RNF38: variants seen among roughly 807,000 people sequenced by gnomAD.
RNF38 encodes the protein ring finger protein 38.
Under a neutral mutation model 67.2 loss-of-function variants are expected in RNF38, and 15 were observed. The ratio of observed to expected loss-of-function variants is 0.22; its 90% CI spans 0.15 to 0.34. The LOEUF is 0.34. Ranked by LOEUF, RNF38 falls within the 10% of genes least tolerant of loss-of-function variation. RNF38 has a pLI of 1.00. For missense variants in RNF38, 524 were observed against 639.9 expected (o/e 0.82, Z 1.95); for synonymous variants, 220 against 218.8 (o/e 1.01, Z -0.05).
chr9:36,376,218 TA>T, intron 2 of RNF38, 91 bp from the exon 3 acceptor site: 1 of 957,248 alleles, frequency 1.0e-6, no homozygotes, highest in South Asian at 2.1e-5. Context: ...GTACTTAACC[TA>T]AAATCTAAAA....
At chr9:36,349,051 A>T (rs540914253) in intron 9 of RNF38, among the ~76,000 whole-genome samples, 23 of 151,772 alleles carry the variant, frequency 1.5e-4, no homozygotes, top group Admixed American at 1.4e-3. Context: ...AATTATGCTA[A>T]ATCTACACTG....
In RNF38 at chr9:36,376,139, A is replaced by G; in HGVS notation, c.163-12T>C. 6.5e-7 allele frequency: 1 copy of G among 1,544,468 alleles called. No individual in the cohort carries two copies. The highest frequency in any genetic ancestry group is 8.7e-7 in the Non-Finnish European group (1 of 1,150,148). ...GGACTATCTTCACTCTGCCAATGCA[A>G]CAAAATGGATCAACTGAGTAAGATC... On this transcript the variant is annotated splice_polypyrimidine_tract_variant and intron_variant, in intron 2 of 11. Coordinates refer to ENST00000259605, the MANE Select transcript of RNF38 (RefSeq NM_022781.5).
intron 1 of RNF38, among the ~76,000 whole-genome samples, chr9:36,432,160 A>T (rs935125445): frequency 4.6e-5 from 7 of 151,166 alleles, no homozygotes; most frequent in African/African-American, 7.3e-5. Flanking sequence ...TTTGAGACAG[A>T]GTCTCACTCT....
chr9:36,449,771 T>C lies in RNF38; in HGVS notation n.242-25088A>G, dbSNP rs1417197995. On this transcript the variant is annotated intron_variant and non_coding_transcript_variant, in intron 1 of 3. Coordinates refer to the RNF38 transcript ENST00000488058. ...TCGTAAACAACAAACACAAAAACAT[T>C]TGCAGGTCCTACAATTAAGCAGAAG... 3.3e-5 allele frequency among the ~76,000 whole-genome samples: 5 copies of C among 152,092 alleles called. No homozygotes were observed. In the South Asian group the frequency reaches 6.2e-4, roughly 19 times the overall value.
At position 36,446,258 on chromosome 9, in the gene RNF38, G is replaced by C. The variant is rs1234846046; in HGVS notation, n.242-21575C>G. 2.6e-5 allele frequency among the ~76,000 whole-genome samples: 4 copies of C among 152,122 alleles called. No individual in the cohort carries two copies. The East Asian group carries it at 7.7e-4, about 29-fold the overall frequency. Reference sequence around the variant, plus strand: ...TTACACTGATTTGTATCACAAAAAGGGTTAGTTTCTGTTCCTGGAGTTTGA... The same window carrying C: ...TTACACTGATTTGTATCACAAAAAGCGTTAGTTTCTGTTCCTGGAGTTTGA... On this transcript the variant is annotated intron_variant and non_coding_transcript_variant, in intron 1 of 3. Transcript: ENST00000488058.
At chr9:36,481,273 C>T (rs1488802913) in intron 1 of RNF38, among the ~76,000 whole-genome samples, 1 of 152,132 alleles carries the variant, frequency 6.6e-6, no homozygotes, top group African/African-American at 2.4e-5. Flanking sequence ...CCTCGACCTC[C>T]CAAAGTGCTG....
chr9:36,413,213 G>A (rs1266443527), intron 2 of RNF38, among the ~76,000 whole-genome samples: 4 of 150,298 alleles, frequency 2.7e-5, no homozygotes, highest in Non-Finnish European at 5.9e-5. Flanking sequence ...CTGGGCAACA[G>A]AGCAAGACTC....
intron 1 of RNF38, chr9:36,487,175 G>T (rs577206300): frequency 3.5e-6 from 2 of 564,138 alleles, no homozygotes; most frequent in Non-Finnish European, 4.5e-6. Context: ...GGGGCTCCGG[G>T]GCCGGACAAA....
At chr9:36,342,292 A>T (rs751610536) in intron 11 of RNF38, 33 bp downstream of exon 11, 2 of 1,430,488 alleles carry the variant, frequency 1.4e-6, no homozygotes. Context: ...AGAAAATTCA[A>T]TGTCATTTCC....
At chr9:36,395,305 A>C (rs1019578823) in intron 1 of RNF38, among the ~76,000 whole-genome samples, 1 of 152,038 alleles carries the variant, frequency 6.6e-6, no homozygotes, top group Non-Finnish European at 1.5e-5. Flanking sequence ...TTCTGACAAC[A>C]GCATCCTTCT....
intron 5 of RNF38, among the ~76,000 whole-genome samples, chr9:36,357,128 G>A (rs546404104): frequency 5.4e-4 from 82 of 151,988 alleles, no homozygotes; most frequent in Non-Finnish European, 1.1e-3. Flanking sequence ...TAAATACAGC[G>A]CCCTCATTTC....
chr9:36,390,403 T>C, intron 2 of RNF38, 64 bp downstream of exon 2: 1 of 1,398,726 alleles, frequency 7.1e-7, no homozygotes, highest in Admixed American at 2.4e-5. Flanking sequence ...TTTCAAGCCT[T>C]CCTAGAAACA....
Position 36,358,042 on chromosome 9 carries a change from A to C in RNF38, c.571-100T>G, listed in dbSNP as rs1276995490. 4 of 916,882 alleles carry C rather than the reference A, an allele frequency of 4.4e-6. No homozygotes were observed. The African/African-American group carries it at 4.9e-5, about 11-fold the overall frequency. 56.8% of individuals were successfully genotyped at this position (916,882 alleles called of 1,614,324 possible). Reference sequence around the variant, plus strand: ...TCATTTATTGGCTCCTCTCTCAGCTACACGGATTTTCACAATGTACTCTCC... The same window carrying C: ...TCATTTATTGGCTCCTCTCTCAGCTCCACGGATTTTCACAATGTACTCTCC... On this transcript the variant is annotated intron_variant, in intron 4 of 11. Coordinates refer to ENST00000259605, the MANE Select transcript of RNF38 (RefSeq NM_022781.5).
At chr9:36,398,410 C>CT (rs1379132638) in intron 1 of RNF38, among the ~76,000 whole-genome samples, 3 of 152,024 alleles carry the variant, frequency 2.0e-5, no homozygotes, top group Non-Finnish European at 4.4e-5. Flanking sequence ...TCTGGAAAAA[C>CT]TAAAATTAAA....
intron 6 of RNF38, among the ~76,000 whole-genome samples, chr9:36,354,262 G>C (rs180701602): frequency 3.9e-5 from 6 of 152,044 alleles, no homozygotes; most frequent in Admixed American, 1.3e-4. Flanking sequence ...GCGCCATCTT[G>C]GCTCACTGCA....
chr9:36,481,150 G>C (rs576059114), intron 1 of RNF38, among the ~76,000 whole-genome samples: 40 of 151,646 alleles, frequency 2.6e-4, no homozygotes, highest in Admixed American at 6.6e-4. Flanking sequence ...AAGTAGCTGA[G>C]ATTACACGTG....
chr9:36,454,463 T>C (rs1173282359), intron 1 of RNF38, among the ~76,000 whole-genome samples: 1 of 151,876 alleles, frequency 6.6e-6, no homozygotes, highest in Non-Finnish European at 1.5e-5. Flanking sequence ...GAAAACAAAA[T>C]ATCATACCTA....
intron 1 of RNF38, among the ~76,000 whole-genome samples, chr9:36,479,299 G>C (rs1321963349): frequency 6.6e-6 from 1 of 152,248 alleles, no homozygotes; most frequent in Non-Finnish European, 1.5e-5. Flanking sequence ...ATGGTGGAGG[G>C]AGGGTGCCCT....
intron 3 of RNF38, among the ~76,000 whole-genome samples, chr9:36,371,663 G>A (rs968447164): frequency 1.3e-5 from 2 of 151,904 alleles, no homozygotes; most frequent in Non-Finnish European, 2.9e-5. Context: ...TGTTGGCCAA[G>A]CTGGTCTCGA....
Sources: allele counts gnomAD v4.1 joint callset (sites outside exome capture counted in the v4.1 genomes callset), GRCh38; gene constraint gnomAD v4.1.1; transcripts MANE v1.5; gene names NCBI Gene and HGNC (gene_info 2026-07-23, HGNC 2026-07-21).